Variants in JAKMIP1 observed in about 807,000 individuals in gnomAD.
JAKMIP1 encodes the protein janus kinase and microtubule interacting protein 1, also known as janus kinase and microtubule-interacting protein 1.
In JAKMIP1, 33 loss-of-function variants were observed where a neutral mutation model predicts 113.0. The ratio of observed to expected loss-of-function variants is 0.29; its 90% CI spans 0.22 to 0.39. The LOEUF (loss-of-function observed/expected upper bound fraction) is 0.39. JAKMIP1 is among the 10% of genes least tolerant of loss of function. The probability of loss-of-function intolerance (pLI) is 1.00; values close to 1 mark genes in which losing one functional copy is unlikely to be tolerated. For missense variants in JAKMIP1, 813 were observed against 1,080.5 expected (o/e 0.75, Z 3.47); for synonymous variants, 480 against 459.9 (o/e 1.04, Z -0.56).
At chr4:6,195,085 A>C (rs778456893) in intron 1 of JAKMIP1, among the ~76,000 whole-genome samples, 1 of 152,172 alleles carries the variant, frequency 6.6e-6, no homozygotes, top group Non-Finnish European at 1.5e-5. Flanking sequence ...GGTGATCCCC[A>C]TTTCCCAAAT....
At position 6,048,827 on chromosome 4, in the gene JAKMIP1, T is replaced by C. The variant is rs759336631; in HGVS notation, c.2028+30A>G. On this transcript the variant is annotated intron_variant, in intron 16 of 20. Coordinates refer to ENST00000409021, the MANE Select transcript of JAKMIP1 (RefSeq NM_001099433.2). ...ATGGTGCTGGGAAGCTGGGACAAGG[T>C]GTGAGCACAGAAATGCCGCTGGCTT... 24 of 1,594,876 alleles carry C rather than the reference T, an allele frequency of 1.5e-5. No individual in the cohort carries two copies. The Admixed American group carries it at 3.7e-4, about 24-fold the overall frequency.
chr4:6,098,635 GAAA>G (rs1712336083), intron 3 of JAKMIP1, among the ~76,000 whole-genome samples: 1 of 139,666 alleles, frequency 7.2e-6, no homozygotes, highest in African/African-American at 2.8e-5. Flanking sequence ...AAGAAAGAAA[GAAA>G]AGAAAGAAAG....
chr4:6,184,574 G>A lies in JAKMIP1; in HGVS notation c.-148+15679C>T, dbSNP rs372872682. On this transcript the variant is annotated intron_variant, in intron 1 of 20. Coordinates refer to ENST00000409021, the MANE Select transcript of JAKMIP1 (RefSeq NM_001099433.2). This position sits in a 1 kb window ranked among gnomAD's most constrained non-coding sequence, Gnocchi z 4.5. ...AGTGTGGGATGGGTGCTATATGGAC[G>A]GGAAGAGCTGCTGTCTGCACTCTAG... is the stretch of plus-strand genomic sequence containing the variant. Among the ~76,000 whole-genome samples the A allele has an allele frequency of 7.2e-5, 11 of 152,270 alleles. No homozygotes were observed. Among genetic ancestry groups the A allele is most frequent in the East Asian group, 1.9e-4 (1 of 5,176 alleles).
rs1211818114 is a variant in JAKMIP1 at position 6,139,777 on chromosome 4, T to C, written c.-147-26780A>G. ...TGAGACTCCATCTCAAAATATAAAA[T>C]AAAATAAAATAAAATAAAATAAAAT... On this transcript the variant is annotated intron_variant, in intron 1 of 20. Transcript: ENST00000409021. This position sits in a 1 kb window ranked among gnomAD's most constrained non-coding sequence, Gnocchi z 5.2. Among the ~76,000 whole-genome samples, 1 of 148,458 alleles carries C rather than the reference T, an allele frequency of 6.7e-6. No homozygotes were observed. The highest frequency in any genetic ancestry group is 6.7e-5 in the Admixed American group (1 of 14,992).
chr4:6,057,361 C>A (rs1165202730), intron 11 of JAKMIP1, among the ~76,000 whole-genome samples: 1 of 152,208 alleles, frequency 6.6e-6, no homozygotes, highest in Admixed American at 6.5e-5. Flanking sequence ...CCCTTCTCTG[C>A]TGGTCAGCCA....
intron 1 of JAKMIP1, among the ~76,000 whole-genome samples, chr4:6,169,961 TCACCACCACCAC>T (rs1244148166): frequency 1.1e-4 from 16 of 145,936 alleles, no homozygotes; most frequent in Non-Finnish European, 2.4e-4. Context: ...ATCACTCTCA[TCACCACCACCAC>T]CACCACTACC....
chr4:6,144,704 G>T (rs1430940557), intron 1 of JAKMIP1, among the ~76,000 whole-genome samples: 1 of 152,186 alleles, frequency 6.6e-6, no homozygotes, highest in African/African-American at 2.4e-5. Flanking sequence ...CACTCAGTCA[G>T]CTAAGAATGA....
intron 1 of JAKMIP1, among the ~76,000 whole-genome samples, chr4:6,173,626 C>T (rs549386828): frequency 2.0e-5 from 3 of 152,320 alleles, no homozygotes; most frequent in Admixed American, 6.5e-5. Context: ...TCTTGATTCA[C>T]CAACTGTTTA....
chr4:6,133,050 T>C (rs1292328356), intron 1 of JAKMIP1, among the ~76,000 whole-genome samples: 1 of 152,138 alleles, frequency 6.6e-6, no homozygotes, highest in Non-Finnish European at 1.5e-5. Context: ...AAAAGATCTT[T>C]GTAATAAATT....
chr4:6,125,463 G>A (rs1717284923), intron 1 of JAKMIP1, among the ~76,000 whole-genome samples: 1 of 152,074 alleles, frequency 6.6e-6, no homozygotes, highest in Admixed American at 6.5e-5. Context: ...TTTGGGTCAG[G>A]TTGTTCATTC....
In JAKMIP1 at chr4:6,197,200, G is replaced by A. The variant is rs1468822227; in HGVS notation, c.-148+3053C>T. ...ACAGGGGCTAAGCGACTTGCCCAACGTCACACTGTCAGTAGGGTGGGAGCT... is the reference window on the plus strand; with the variant it reads ...ACAGGGGCTAAGCGACTTGCCCAACATCACACTGTCAGTAGGGTGGGAGCT... On this transcript the variant is annotated intron_variant, in intron 1 of 20. Transcript: ENST00000409021. The surrounding 1 kb of genome is among the most constrained non-coding windows in gnomAD (Gnocchi z 6.5). Among the ~76,000 whole-genome samples, 4 of 152,172 alleles carry A rather than the reference G, an allele frequency of 2.6e-5. No individual in the cohort carries two copies. The highest frequency in any genetic ancestry group is 1.3e-4 in the Admixed American group (2 of 15,284).
chr4:6,119,539 C>T (rs1256105378), intron 1 of JAKMIP1, among the ~76,000 whole-genome samples: 5 of 149,864 alleles, frequency 3.3e-5, no homozygotes, highest in Middle Eastern at 3.5e-3. Context: ...AGCAAAACTC[C>T]GTCTCAAAAA....
chr4:6,177,832 T>C (rs1560331464), intron 1 of JAKMIP1, among the ~76,000 whole-genome samples: 1 of 152,244 alleles, frequency 6.6e-6, no homozygotes, highest in Non-Finnish European at 1.5e-5. Flanking sequence ...GCATTGTCTC[T>C]GAGCCTCTGC....
rs760562247 is a variant in JAKMIP1, at chr4:6,064,854, C to A, written c.1431+26G>T. ...GCCCCGAGAGCATCTGGGGTGAGGTCCCGCCCTCTCTGCAGGTTTGCTTAC... is the reference window on the plus strand; with the variant it reads ...GCCCCGAGAGCATCTGGGGTGAGGTACCGCCCTCTCTGCAGGTTTGCTTAC... On this transcript the variant is annotated intron_variant, in intron 9 of 20. Transcript: ENST00000409021. This position sits in a 1 kb window ranked among gnomAD's most constrained non-coding sequence, Gnocchi z 4.3. The A allele has an allele frequency of 3.1e-6, 5 of 1,613,302 alleles. No homozygotes were observed. In the Admixed American group the frequency reaches 8.3e-5, roughly 27 times the overall value.
In JAKMIP1 at chr4:6,042,228, C is replaced by T; in HGVS notation, c.2029-1G>A. ...CGGTCCCCTCTATTTGCTTCAGCCA[C>T]TAGAAAACAGCAGGGACAGGACGGG... On this transcript the variant is annotated splice_acceptor_variant, in intron 16 of 20. Coordinates refer to ENST00000409021, the MANE Select transcript of JAKMIP1 (RefSeq NM_001099433.2). LOFTEE classifies it high-confidence loss of function. This position sits in a 1 kb window ranked among gnomAD's most constrained non-coding sequence, Gnocchi z 5.2. The T allele has an allele frequency of 6.2e-7, 1 of 1,613,506 alleles. No homozygotes were observed. The highest frequency in any genetic ancestry group is 8.5e-7 in the Non-Finnish European group (1 of 1,179,556).
At position 6,154,283 on chromosome 4, in the gene JAKMIP1, A is replaced by G. The variant is rs1318905504; in HGVS notation, c.-147-41286T>C. ...GAGTTGCTCCTATTTTAGGCCATTG[A>G]ACTACTTTAATAATTCGGTCATTTT... On this transcript the variant is annotated intron_variant, in intron 1 of 20. Coordinates refer to ENST00000409021, the MANE Select transcript of JAKMIP1 (RefSeq NM_001099433.2). The surrounding 1 kb of genome is among the most constrained non-coding windows in gnomAD (Gnocchi z 4.2). 1.3e-5 allele frequency among the ~76,000 whole-genome samples: 2 copies of G among 152,194 alleles called. No homozygotes were observed. Among genetic ancestry groups the G allele is most frequent in the Non-Finnish European group, 2.9e-5 (2 of 68,030 alleles).
In JAKMIP1 at chr4:6,153,933, C is replaced by T. The variant is rs1181969426; in HGVS notation, c.-147-40936G>A. Among the ~76,000 whole-genome samples the T allele has an allele frequency of 6.6e-6, 1 of 152,244 alleles. No individual in the cohort carries two copies. The highest frequency in any genetic ancestry group is 1.9e-4 in the East Asian group (1 of 5,206). On this transcript the variant is annotated intron_variant, in intron 1 of 20. Transcript: ENST00000409021. This position sits in a 1 kb window ranked among gnomAD's most constrained non-coding sequence, Gnocchi z 4.9. ...ACCAGCTACCCGCTCCCTGAGGCCC[C>T]TTTTGGCTGGGAAAGTCTGGATCCT...
rs1715320667 is a variant in JAKMIP1 at position 6,048,939 on chromosome 4, G to T, written c.1963-17C>A. The T allele has an allele frequency of 2.5e-6, 4 of 1,610,134 alleles. No individual in the cohort carries two copies. The highest frequency in any genetic ancestry group is 3.4e-6 in the Non-Finnish European group (4 of 1,176,470). On this transcript the variant is annotated splice_polypyrimidine_tract_variant and intron_variant, in intron 15 of 20. Transcript: ENST00000409021. Reference sequence around the variant, plus strand: ...TCTCAAATTCTAAAACACAAAAATGGGCAAGGGCATTTGACACTGGATCCC... The same window carrying T: ...TCTCAAATTCTAAAACACAAAAATGTGCAAGGGCATTTGACACTGGATCCC...
intron 2 of JAKMIP1, among the ~76,000 whole-genome samples, chr4:6,111,842 C>A (rs1714987345): frequency 6.6e-6 from 1 of 152,178 alleles, no homozygotes; most frequent in African/African-American, 2.4e-5. Flanking sequence ...CCTAGCAGAG[C>A]CCTGAGTCCA....
Sources: allele counts gnomAD v4.1 joint callset (sites outside exome capture counted in the v4.1 genomes callset), GRCh38; gene constraint gnomAD v4.1.1; non-coding constraint Gnocchi (gnomAD v3.1); transcripts MANE v1.5; gene names NCBI Gene and HGNC (gene_info 2026-07-23, HGNC 2026-07-21).